Variants in TP53BP2 observed in about 807,000 individuals in gnomAD.
TP53BP2 encodes the protein tumor protein p53 binding protein 2.
Under a neutral mutation model 126.2 loss-of-function variants are expected in TP53BP2, and 62 were observed. The observed-to-expected ratio is 0.49, with a 90% CI of 0.40 to 0.61. The LOEUF (loss-of-function observed/expected upper bound fraction) is 0.61, where lower values mean the gene tolerates loss of function less well. Ranked by LOEUF, TP53BP2 falls within the 20% of genes least tolerant of loss-of-function variation. The probability of loss-of-function intolerance (pLI) is 0.00; values close to 1 mark genes in which losing one functional copy is unlikely to be tolerated. For missense variants in TP53BP2, 1,215 were observed against 1,402.8 expected, an observed-to-expected ratio of 0.87 and a Z score of 2.14; for synonymous variants, 485 against 502.9, an observed-to-expected ratio of 0.96 and a Z score of 0.48.
At chr1:223,805,903 G>A (rs1297683599) in intron 5 of TP53BP2, among the ~76,000 whole-genome samples, 4 of 152,198 alleles carry the variant, frequency 2.6e-5, no homozygotes, top group Non-Finnish European at 4.4e-5. Flanking sequence ...AGGCAGCAAA[G>A]TTTGCAAAGC....
intron 4 of TP53BP2, 26 bp downstream of exon 4, chr1:223,810,405 C>T (rs1428491705): frequency 2.6e-6 from 4 of 1,549,930 alleles, no homozygotes; most frequent in African/African-American, 2.7e-5. Flanking sequence ...GTGGTATATA[C>T]AGTATGGATA....
rs1278788082 is a variant in TP53BP2 at position 223,780,888 on chromosome 1, G to T, written c.3370C>A (p.Pro1124Thr). 1 of 1,613,074 alleles carries T rather than the reference G, an allele frequency of 6.2e-7. No individual in the cohort carries two copies. The highest frequency in any genetic ancestry group is 2.2e-5 in the East Asian group (1 of 44,874). ...CTCCTTTGTCTTGGTTTAATTCTTGGGTACAGCTGCAAGAGAGTTTAAAAA... is the reference window on the plus strand; with the variant it reads ...CTCCTTTGTCTTGGTTTAATTCTTGTGTACAGCTGCAAGAGAGTTTAAAAA... Reference protein sequence around the residue: ...YVPRNLLGLYPRIKPRQRSLA With the variant: ...YVPRNLLGLYTRIKPRQRSLA Residue 1124 changes from proline to threonine, a missense_variant, in exon 18 of 18, where the codon CCA (proline) becomes ACA (threonine). This residue lies in a region of TP53BP2 where 151 missense variants were observed against 231.2 expected (regional missense o/e 0.65). Coordinates refer to ENST00000343537, the MANE Select transcript of TP53BP2 (RefSeq NM_001031685.3).
In TP53BP2 at chr1:223,835,041, A is replaced by G. The variant is rs555575576; in HGVS notation, c.27+10613T>C. The stretch of plus-strand genomic sequence containing the variant: ...CAGATCTCACACAAAGCAAATATGC[A>G]ATACATGTTTGTTGGACTGAACTGA... On this transcript the variant is annotated intron_variant, in intron 1 of 17. Transcript: ENST00000343537. Among the ~76,000 whole-genome samples, 145 of 152,350 alleles carry G rather than the reference A, an allele frequency of 9.5e-4. 1 individual carries two copies. The highest frequency in any genetic ancestry group is 1.6e-3 in the Non-Finnish European group (112 of 68,036).
chr1:223,787,370 C>T (rs1662005994), intron 16 of TP53BP2, among the ~76,000 whole-genome samples: 1 of 151,194 alleles, frequency 6.6e-6, no homozygotes, highest in South Asian at 2.1e-4. Flanking sequence ...AAAATACATA[C>T]ATAAATATAT....
intron 3 of TP53BP2, 53 bp downstream of exon 3, chr1:223,814,187 C>A: frequency 7.3e-7 from 1 of 1,375,028 alleles, no homozygotes; most frequent in East Asian, 2.3e-5. Flanking sequence ...CTACTACTCC[C>A]AGCACAAAAT....
chr1:223,813,466 C>T (rs1328658227), intron 3 of TP53BP2, among the ~76,000 whole-genome samples: 2 of 152,250 alleles, frequency 1.3e-5, no homozygotes, highest in Admixed American at 6.5e-5. Flanking sequence ...CCTCTTAACT[C>T]TGTCTACTCT....
At chr1:223,826,693 A>G (rs965279873) in intron 1 of TP53BP2, among the ~76,000 whole-genome samples, 1 of 152,224 alleles carries the variant, frequency 6.6e-6, no homozygotes, top group African/African-American at 2.4e-5. Flanking sequence ...TATGTGAATT[A>G]TATCTCAATT....
intron 1 of TP53BP2, among the ~76,000 whole-genome samples, chr1:223,832,340 T>C (rs1232672632): frequency 6.6e-6 from 1 of 152,126 alleles, no homozygotes; most frequent in Non-Finnish European, 1.5e-5. Context: ...TCACAAGAAA[T>C]ACCACAGGAA....
intron 1 of TP53BP2, among the ~76,000 whole-genome samples, chr1:223,828,352 G>C (rs1663573616): frequency 6.6e-6 from 1 of 152,174 alleles, no homozygotes. Context: ...CTGGTGGTGG[G>C]ATGACTAAGT....
chr1:223,795,943 C>G lies in TP53BP2; in HGVS notation c.2596G>C (p.Asp866His). The change falls in exon 13 of 18, where the codon GAT becomes CAT. Residue 866 changes from aspartate to histidine, a missense_variant. Physicochemically the swap from Asp to His is moderately conservative, Grantham distance 81. Around this residue, in one of 4 missense-constraint regions of TP53BP2, gnomAD observed 204 missense variants for 225.7 expected, o/e 0.90. Transcript: ENST00000343537. ...GGAGGGTACTCCTCCAGGTACACAT[C>G]AAGCACATGTGGAGCCTCTGGATTT... ...EPNPEAPHVL[D>H]VYLEEYPPYP... The G allele has an allele frequency of 1.2e-6, 2 of 1,614,078 alleles. No individual in the cohort carries two copies. Among genetic ancestry groups the G allele is most frequent in the South Asian group, 2.2e-5 (2 of 91,056 alleles).
chr1:223,792,678 A>T (rs914404418), intron 14 of TP53BP2, among the ~76,000 whole-genome samples, 156 bp from the exon 15 acceptor site: 1 of 152,180 alleles, frequency 6.6e-6, no homozygotes, highest in Non-Finnish European at 1.5e-5. Context: ...AAACTATACC[A>T]AGAACAATTC....
intron 5 of TP53BP2, among the ~76,000 whole-genome samples, chr1:223,805,159 G>A (rs894992078): frequency 2.6e-5 from 4 of 151,904 alleles, no homozygotes; most frequent in African/African-American, 7.3e-5. Flanking sequence ...TAAGTAACAT[G>A]GAAAGAATCA....
intron 2 of TP53BP2, 112 bp from the exon 3 acceptor site, chr1:223,814,465 G>A (rs1663017936): frequency 1.3e-6 from 1 of 743,460 alleles, no homozygotes; most frequent in Non-Finnish European, 2.2e-6. Context: ...CAAATGCTTA[G>A]TATCTCAGGT....
At chr1:223,789,988 G>GA (rs901058629) in intron 15 of TP53BP2, among the ~76,000 whole-genome samples, 1 of 151,310 alleles carries the variant, frequency 6.6e-6, no homozygotes, top group Non-Finnish European at 1.5e-5. Flanking sequence ...ATACAGACTT[G>GA]AAAAAAAAAT....
intron 2 of TP53BP2, chr1:223,818,445 A>C (rs1663170532): frequency 6.7e-6 from 1 of 150,308 alleles, no homozygotes; most frequent in Admixed American, 6.6e-5. Context: ...CGGAAGTTGC[A>C]GTGGGCCAAG....
intron 13 of TP53BP2, among the ~76,000 whole-genome samples, chr1:223,794,325 A>C (rs866582081): frequency 2.0e-5 from 3 of 152,202 alleles, no homozygotes; most frequent in Non-Finnish European, 4.4e-5. Flanking sequence ...GTTTTAAAAA[A>C]CATTAAGCGA....
At chr1:223,819,332 C>A (rs956494899) in intron 2 of TP53BP2, among the ~76,000 whole-genome samples, 1 of 152,040 alleles carries the variant, frequency 6.6e-6, no homozygotes, top group Non-Finnish European at 1.5e-5. Context: ...TAGAACACTT[C>A]TTCCTCTATG....
intron 5 of TP53BP2, among the ~76,000 whole-genome samples, chr1:223,805,279 C>T (rs1316760115): frequency 6.6e-6 from 1 of 152,048 alleles, no homozygotes; most frequent in Non-Finnish European, 1.5e-5. Context: ...CCCACAAGGA[C>T]TTGTTTTTAA....
At chr1:223,822,295 G>C (rs1288494092) in intron 1 of TP53BP2, among the ~76,000 whole-genome samples, 2 of 152,024 alleles carry the variant, frequency 1.3e-5, no homozygotes, top group Admixed American at 1.3e-4. Context: ...AGTATAAGTA[G>C]AAATGAGTAG....
Sources: allele counts gnomAD v4.1 joint callset (sites outside exome capture counted in the v4.1 genomes callset), GRCh38; gene constraint gnomAD v4.1.1; regional missense constraint gnomAD v4.1.1; transcripts MANE v1.5; gene names NCBI Gene and HGNC (gene_info 2026-07-23, HGNC 2026-07-21).